NELL1: variants seen among roughly 807,000 people sequenced by gnomAD.
The protein encoded by NELL1 is neural EGFL like 1, also known as protein kinase C-binding protein NELL1.
A neutral mutation model predicts 107.4 loss-of-function variants in NELL1; 76 were observed. That is an observed-to-expected ratio of 0.71 (90% CI 0.59 to 0.86). The LOEUF is 0.86. NELL1 is among the 40% of genes least tolerant of loss of function. The pLI is 0.00. For missense variants in NELL1, 1,024 were observed against 1,005.5 expected (o/e 1.02, Z -0.25); for synonymous variants, 353 against 341.2 (o/e 1.03, Z -0.38).
chr11:20,871,642 T>TTTA lies in NELL1; in HGVS notation c.507-13802_507-13801insTTA, dbSNP rs10656291. 7.3e-3 allele frequency among the ~76,000 whole-genome samples: 1,104 copies of TTTA among 150,924 alleles called. 11 individuals are homozygous for TTTA. The highest frequency in any genetic ancestry group is 9.3e-3 in the Non-Finnish European group (628 of 67,584). On this transcript the variant is annotated intron_variant, in intron 4 of 19. Coordinates refer to ENST00000357134, the MANE Select transcript of NELL1 (RefSeq NM_006157.5). ...TTGTACTACTTTCTCATTTTTTTTT[T>TTTA]ATTCATGTAGAAAAACCTCTAGAAA...
chr11:21,047,539 T>C (rs1203929318), intron 12 of NELL1, among the ~76,000 whole-genome samples: 1 of 152,160 alleles, frequency 6.6e-6, no homozygotes, highest in East Asian at 1.9e-4. Context: ...TTAGTAGTAG[T>C]ATACAATTTA....
chr11:20,679,859 T>C (rs925086306), intron 2 of NELL1, among the ~76,000 whole-genome samples: 1 of 152,180 alleles, frequency 6.6e-6, no homozygotes, highest in African/African-American at 2.4e-5. Context: ...GGAATTAAAA[T>C]TTCTTTTGTA....
chr11:21,452,369 T>C (rs980020178), intron 15 of NELL1, among the ~76,000 whole-genome samples: 1 of 152,174 alleles, frequency 6.6e-6, no homozygotes, highest in Non-Finnish European at 1.5e-5. Context: ...CATTACTTTC[T>C]TTTGATAAGA....
chr11:21,054,922 A>C (rs1853577273), intron 12 of NELL1, among the ~76,000 whole-genome samples: 1 of 152,010 alleles, frequency 6.6e-6, no homozygotes, highest in Non-Finnish European at 1.5e-5. Context: ...AATCTTTATC[A>C]TCTTGCTTCT....
intron 13 of NELL1, among the ~76,000 whole-genome samples, chr11:21,216,223 C>T (rs1857609937): frequency 6.6e-6 from 1 of 152,148 alleles, no homozygotes; most frequent in East Asian, 1.9e-4. Flanking sequence ...GGAACCTCCA[C>T]CTAGATTTCA....
chr11:21,171,261 A>G (rs1856600857), intron 13 of NELL1, among the ~76,000 whole-genome samples: 1 of 151,824 alleles, frequency 6.6e-6, no homozygotes, highest in African/African-American at 2.4e-5. Flanking sequence ...ATCTCAAAAA[A>G]TGAGTTTACT....
rs536089402 is a variant in NELL1, at chr11:20,933,255, A to G, written c.998-4531A>G. 5.2e-4 allele frequency among the ~76,000 whole-genome samples: 79 copies of G among 152,354 alleles called. 2 individuals carry two copies. The highest frequency in any genetic ancestry group is 3.4e-3 in the Middle Eastern group (1 of 294). On this transcript the variant is annotated intron_variant, in intron 9 of 19. Coordinates refer to ENST00000357134, the MANE Select transcript of NELL1 (RefSeq NM_006157.5). Reference sequence around the variant, plus strand: ...GCAAAGGAAGGGAAGGATGTGGGTGACAGCCAAAGGAGCTGGCACATTAGA... The same window carrying G: ...GCAAAGGAAGGGAAGGATGTGGGTGGCAGCCAAAGGAGCTGGCACATTAGA...
At chr11:21,306,204 T>A (rs746353717) in intron 14 of NELL1, among the ~76,000 whole-genome samples, 1 of 151,994 alleles carries the variant, frequency 6.6e-6, no homozygotes, top group Non-Finnish European at 1.5e-5. Flanking sequence ...AAGCCAAGTC[T>A]CAGTCAAGCC....
chr11:20,687,498 T>A (rs114292465), intron 2 of NELL1, among the ~76,000 whole-genome samples: 2,024 of 152,174 alleles, frequency 0.013, 39 homozygotes, highest in African/African-American at 0.046. Flanking sequence ...TTTGGGAGAA[T>A]GTAGTATGCC....
chr11:20,705,181 C>T (rs1044323451), intron 2 of NELL1, among the ~76,000 whole-genome samples: 4 of 152,002 alleles, frequency 2.6e-5, no homozygotes, highest in African/African-American at 9.7e-5. Context: ...TCATATGGAA[C>T]CAAAAAAGAG....
At chr11:21,336,448 G>C (rs1220276065) in intron 14 of NELL1, among the ~76,000 whole-genome samples, 2 of 151,850 alleles carry the variant, frequency 1.3e-5, no homozygotes, top group Non-Finnish European at 2.9e-5. Context: ...GTTCTATTCA[G>C]AATCTAGGTT....
At chr11:21,066,470 T>G (rs895011022) in intron 12 of NELL1, among the ~76,000 whole-genome samples, 2 of 152,204 alleles carry the variant, frequency 1.3e-5, no homozygotes, top group African/African-American at 4.8e-5. Context: ...GACTAGGGAT[T>G]TAGACTTTTC....
intron 12 of NELL1, among the ~76,000 whole-genome samples, chr11:21,111,428 G>C (rs115951587): frequency 6.6e-6 from 1 of 152,042 alleles, no homozygotes; most frequent in Admixed American, 6.6e-5. Context: ...AAGATGAAGC[G>C]TAATTATATC....
chr11:20,940,160 T>G (rs1447782422), intron 10 of NELL1, among the ~76,000 whole-genome samples: 5 of 152,066 alleles, frequency 3.3e-5, no homozygotes, highest in African/African-American at 9.7e-5. Flanking sequence ...GTGCTCGCTC[T>G]CTCTCTCCCT....
At chr11:20,807,834 A>G (rs991391019) in intron 3 of NELL1, among the ~76,000 whole-genome samples, 3 of 152,142 alleles carry the variant, frequency 2.0e-5, no homozygotes, top group African/African-American at 7.2e-5. Context: ...CACCACCACC[A>G]CAGGCCCATG....
intron 13 of NELL1, among the ~76,000 whole-genome samples, chr11:21,186,922 G>C (rs1856947146): frequency 6.6e-6 from 1 of 151,830 alleles, no homozygotes; most frequent in Admixed American, 6.5e-5. Flanking sequence ...GGTTGATTTG[G>C]TTGTCAATTC....
intron 2 of NELL1, among the ~76,000 whole-genome samples, chr11:20,706,448 C>T (rs1468467145): frequency 2.1e-5 from 3 of 143,594 alleles, no homozygotes; most frequent in Non-Finnish European, 3.0e-5. Flanking sequence ...TGTTTTTACT[C>T]AGAGGTGGGG....
chr11:21,412,044 T>C (rs2133811406), intron 15 of NELL1, among the ~76,000 whole-genome samples: 1 of 152,226 alleles, frequency 6.6e-6, no homozygotes, highest in East Asian at 1.9e-4. Context: ...CATAAATTTG[T>C]GATGACAGAG....
intron 14 of NELL1, among the ~76,000 whole-genome samples, chr11:21,311,181 TG>T (rs1849742402): frequency 6.6e-6 from 1 of 152,166 alleles, no homozygotes; most frequent in African/African-American, 2.4e-5. Flanking sequence ...AATGTTGCAT[TG>T]CAAAGCAATA....
Sources: gnomAD v4.1 joint callset for allele counts (sites outside exome capture counted in the v4.1 genomes callset) on GRCh38, gnomAD v4.1.1 for gene constraint, MANE v1.5 for transcripts, NCBI Gene and HGNC (gene_info 2026-07-23, HGNC 2026-07-21) for gene names.